TENM1: variants seen among roughly 807,000 people sequenced by gnomAD.
The protein encoded by TENM1 is teneurin-1.
TENM1 carries 35 observed loss-of-function variants against 174.8 expected under a neutral mutation model. That is an observed-to-expected ratio of 0.20 (90% confidence interval 0.15 to 0.27). The LOEUF (loss-of-function observed/expected upper bound fraction) is 0.27, where lower values mean the gene tolerates loss of function less well. Ranked by LOEUF, TENM1 falls within the 10% of genes least tolerant of loss-of-function variation. The pLI, the probability that TENM1 is intolerant of heterozygous loss-of-function variation, is 1.00. For missense variants in TENM1, 1,633 were observed against 2,130.1 expected, an observed-to-expected ratio of 0.77 and a Z score of 4.59; for synonymous variants, 781 against 798.7, an observed-to-expected ratio of 0.98 and a Z score of 0.37.
At chrX:124,754,915 G>A (rs1031847597) in intron 3 of TENM1, among the ~76,000 whole-genome samples, 10 of 105,780 alleles carry the variant, frequency 9.5e-5, no homozygotes, top group East Asian at 2.9e-4. Flanking sequence ...CAACTATGTG[G>A]TCAATTTTGG....
At position 124,433,555 on chromosome X, in the gene TENM1, C is replaced by T. The variant is rs374531455; in HGVS notation, c.4105-10917G>A. Among the ~76,000 whole-genome samples the T allele has an allele frequency of 1.8e-4, 20 of 111,759 alleles. No individual in the cohort carries two copies. The East Asian group carries it at 5.3e-3, about 30-fold the overall frequency. ...CTCTACCAAGACTATGAGTTTTCGA[C>T]GGCAAAGATGAGAACTCTTTTATTT... On this transcript the variant is annotated intron_variant, in intron 23 of 31. Transcript: ENST00000422452.
chrX:124,442,022 T>C (rs1021796851), intron 23 of TENM1, among the ~76,000 whole-genome samples: 4 of 112,433 alleles, frequency 3.6e-5, no homozygotes, highest in Admixed American at 1.9e-4. Flanking sequence ...TTGTGCCTAC[T>C]GCACACTGGT....
exon 2 of TENM1, chrX:124,896,169 T>C: frequency 8.3e-7 from 1 of 1,211,522 alleles, no homozygotes; most frequent in Non-Finnish European, 1.1e-6. Flanking sequence ...CTGGTAGCCA[T>C]GCCGAGAAAC....
intron 11 of TENM1, among the ~76,000 whole-genome samples, chrX:124,587,398 A>C (rs1478265512): frequency 2.3e-4 from 25 of 107,837 alleles, no homozygotes; most frequent in Non-Finnish European, 4.2e-4. Flanking sequence ...ATCTACAACT[A>C]TCTGATCTTT....
intron 3 of TENM1, among the ~76,000 whole-genome samples, chrX:124,791,248 C>T (rs905648924): frequency 2.7e-5 from 3 of 111,934 alleles, no homozygotes; most frequent in Non-Finnish European, 3.8e-5. Context: ...GAAAAAGCAG[C>T]GGTTGGCTAC....
chrX:124,475,212 TCTC>T (rs2061374396), intron 22 of TENM1, among the ~76,000 whole-genome samples: 1 of 110,827 alleles, frequency 9.0e-6, no homozygotes, highest in African/African-American at 3.3e-5. Context: ...TCTTCTAGCT[TCTC>T]CTACTACAAA....
chrX:125,147,207 TACAC>T, the TENM1 span, among the ~76,000 whole-genome samples: 1 of 109,542 alleles, frequency 9.1e-6, no homozygotes, highest in Non-Finnish European at 1.9e-5. Flanking sequence ...CTTATATACA[TACAC>T]ACAGACACAT....
intron 4 of TENM1, among the ~76,000 whole-genome samples, chrX:124,728,807 ACCTGGATCTGTCATAT>A: frequency 8.9e-6 from 1 of 112,043 alleles, no homozygotes; most frequent in Admixed American, 9.4e-5. Context: ...TCAAAACCTG[ACCTGGATCTGTCATAT>A]CCTACCTGTG....
At chrX:125,008,358 T>C in the TENM1 span, among the ~76,000 whole-genome samples, 4 of 111,677 alleles carry the variant, frequency 3.6e-5, no homozygotes, top group Admixed American at 9.5e-5. Context: ...ATGCACCCAA[T>C]ACAGGAGTAC....
the TENM1 span, among the ~76,000 whole-genome samples, chrX:125,014,112 A>C: frequency 8.9e-6 from 1 of 111,867 alleles, no homozygotes. Flanking sequence ...ATAAAAACTA[A>C]TTCAATAAAA....
At chrX:125,058,544 T>C in the TENM1 span, among the ~76,000 whole-genome samples, 3 of 111,809 alleles carry the variant, frequency 2.7e-5, no homozygotes, top group Admixed American at 9.6e-5. Context: ...TCACAAGCAC[T>C]GAAAAGAATG....
intron 8 of TENM1, among the ~76,000 whole-genome samples, chrX:124,648,045 G>C (rs945693968): frequency 1.8e-5 from 2 of 111,180 alleles, no homozygotes; most frequent in African/African-American, 6.5e-5. Context: ...ATTGTGGCCT[G>C]TGGATTACTT....
intron 23 of TENM1, among the ~76,000 whole-genome samples, chrX:124,425,938 G>A (rs753947949): frequency 2.7e-5 from 3 of 110,627 alleles, no homozygotes; most frequent in African/African-American, 9.9e-5. Context: ...GCAACAATGG[G>A]TATGGAGAAA....
intron 1 of TENM1, among the ~76,000 whole-genome samples, chrX:124,931,667 T>C (rs781018335): frequency 1.8e-5 from 2 of 111,773 alleles, no homozygotes; most frequent in Admixed American, 9.5e-5. Flanking sequence ...ATTCCTCTTC[T>C]AGCTGATAGA....
At chrX:125,144,855 A>G in the TENM1 span, among the ~76,000 whole-genome samples, 4 of 109,473 alleles carry the variant, frequency 3.7e-5, no homozygotes, top group African/African-American at 1.3e-4. Flanking sequence ...CTCCTGCCTC[A>G]GCCTCCCAAG....
chrX:124,489,014 G>A (rs757153972), intron 20 of TENM1, among the ~76,000 whole-genome samples: 26 of 112,557 alleles, frequency 2.3e-4, no homozygotes, highest in Admixed American at 1.4e-3. Flanking sequence ...TGAAAATGAC[G>A]GAATTTATTT....
chrX:124,919,704 A>C (rs758097195), intron 1 of TENM1, among the ~76,000 whole-genome samples: 1 of 111,670 alleles, frequency 9.0e-6, no homozygotes, highest in Non-Finnish European at 1.9e-5. Flanking sequence ...AACTTTAATT[A>C]TTGAAACTCA....
intron 23 of TENM1, among the ~76,000 whole-genome samples, chrX:124,449,663 C>T (rs2061007096): frequency 1.8e-5 from 2 of 111,888 alleles, no homozygotes; most frequent in East Asian, 2.8e-4. Context: ...CTTTTCCTTG[C>T]CTTCTGCAGC....
At chrX:124,786,524 T>C (rs997015450) in intron 3 of TENM1, among the ~76,000 whole-genome samples, 1 of 111,716 alleles carries the variant, frequency 9.0e-6, no homozygotes, top group African/African-American at 3.2e-5. Context: ...TCAGTCAACA[T>C]TTAAATTATT....
Sources: gnomAD v4.1 joint callset for allele counts (sites outside exome capture counted in the v4.1 genomes callset) on GRCh38, gnomAD v4.1.1 for gene constraint, MANE v1.5 for transcripts, NCBI Gene and HGNC (gene_info 2026-07-23, HGNC 2026-07-21) for gene names.